ETV1: variants seen among roughly 807,000 people sequenced by gnomAD.
ETV1 encodes ETS variant transcription factor 1.
Under a neutral mutation model 62.3 loss-of-function variants are expected in ETV1, and 27 were observed. The observed-to-expected ratio is 0.43, with a 90% confidence interval of 0.32 to 0.60. The LOEUF (loss-of-function observed/expected upper bound fraction) is 0.60, where lower values mean the gene tolerates loss of function less well. Ranked by LOEUF, ETV1 falls within the 20% of genes least tolerant of loss-of-function variation. The probability of loss-of-function intolerance (pLI) is 0.06; values close to 1 mark genes in which losing one functional copy is unlikely to be tolerated. For missense variants in ETV1, 605 were observed against 605.8 expected (o/e 1.00, Z 0.01); for synonymous variants, 222 against 199.6 (o/e 1.11, Z -0.94).
chr7:13,906,928 T>C (rs1168446375), intron 11 of ETV1, among the ~76,000 whole-genome samples: 1 of 152,108 alleles, frequency 6.6e-6, no homozygotes, highest in Non-Finnish European at 1.5e-5. Flanking sequence ...CCATCGTATC[T>C]AATCAGACTT....
intron 6 of ETV1, chr7:13,958,799 A>T (rs1229930264): frequency 2.0e-5 from 3 of 152,208 alleles, no homozygotes; most frequent in African/African-American, 4.8e-5. Flanking sequence ...CTAAATAAGG[A>T]TGTTATGAAG....
chr7:13,903,817 C>T (rs1782688834), intron 12 of ETV1, among the ~76,000 whole-genome samples: 1 of 149,922 alleles, frequency 6.7e-6, no homozygotes, highest in Non-Finnish European at 1.5e-5. Flanking sequence ...GGAGACATGA[C>T]TAATTCAAAA....
intron 5 of ETV1, among the ~76,000 whole-genome samples, chr7:13,982,387 A>G (rs1782078476): frequency 6.6e-6 from 1 of 152,056 alleles, no homozygotes; most frequent in Non-Finnish European, 1.5e-5. Flanking sequence ...ATTTATTAGG[A>G]TCCTCTGGAA....
intron 6 of ETV1, among the ~76,000 whole-genome samples, chr7:13,951,824 A>G (rs960199393): frequency 2.0e-5 from 3 of 152,194 alleles, no homozygotes; most frequent in Non-Finnish European, 2.9e-5. Context: ...ATGACGTAAC[A>G]CATAATGAGA....
At chr7:13,975,895 T>C (rs1400412701) in intron 6 of ETV1, among the ~76,000 whole-genome samples, 2 of 152,160 alleles carry the variant, frequency 1.3e-5, no homozygotes, top group South Asian at 2.1e-4. Context: ...GGATGTAAAA[T>C]ATCAACGAGA....
rs1251746278 is a variant in ETV1 at position 13,892,244 on chromosome 7, A to T, written c.*3622T>A. 8.6e-6 allele frequency: 2 copies of T among 232,468 alleles called. No individual in the cohort carries two copies. The highest frequency in any genetic ancestry group is 4.4e-5 in the African/African-American group (2 of 45,302). The allele number at this position is 232,468 out of a possible 1,614,324, so 14.4% of individuals were successfully genotyped here. A position where few individuals can be genotyped will look rare whatever the true frequency, so the allele number is the denominator to read the frequency against. On this transcript the variant is annotated 3_prime_UTR_variant, in exon 14 of 14. Coordinates refer to ENST00000430479, the MANE Select transcript of ETV1 (RefSeq NM_004956.5). ...CACTGATTTAACTGTTATTACTATT[A>T]TTATCATACCTTCTGTTTTTCTGTT...
intron 5 of ETV1, chr7:13,986,063 C>T (rs1298071359): frequency 2.2e-6 from 3 of 1,334,972 alleles, no homozygotes; most frequent in Non-Finnish European, 2.1e-6. Context: ...TTAAAATCCT[C>T]ATATCTCCCA....
intron 6 of ETV1, among the ~76,000 whole-genome samples, chr7:13,955,188 C>T (rs1487037219): frequency 6.6e-6 from 1 of 152,028 alleles, no homozygotes; most frequent in South Asian, 2.1e-4. Flanking sequence ...TTTAAAAATC[C>T]CTTCTGATAT....
chr7:13,902,856 C>T (rs768025782), intron 12 of ETV1, among the ~76,000 whole-genome samples: 10 of 152,148 alleles, frequency 6.6e-5, no homozygotes, highest in Non-Finnish European at 1.5e-4. Context: ...TGATACTTAT[C>T]ATGCCAGTTC....
In ETV1 at chr7:13,901,860, T is replaced by C. The variant is rs1311244386; in HGVS notation, c.1111-1021A>G. Among the ~76,000 whole-genome samples, 3 of 152,308 alleles carry C rather than the reference T, an allele frequency of 2.0e-5. No individual in the cohort carries two copies. The East Asian group carries it at 5.8e-4, about 29-fold the overall frequency. On this transcript the variant is annotated intron_variant, in intron 12 of 13. Transcript: ENST00000430479. ...CTAAAGCAGAATGTCTACTCTGTTG[T>C]TTAATAAAAAAACTCAGAGCTTTTT...
intron 6 of ETV1, among the ~76,000 whole-genome samples, chr7:13,962,560 A>G (rs948763985): frequency 3.9e-5 from 6 of 152,168 alleles, no homozygotes; most frequent in Non-Finnish European, 8.8e-5. Flanking sequence ...TTCCTGGCCT[A>G]ATTATGTGTT....
rs1421031225 is a variant in ETV1, at chr7:13,989,410, A to G, written c.-230T>C. ...TACCCCGGGCAGCTCTGATTCGCAAACGTGTGCAAAACTAGCAATGGCGAT... is the reference window on the plus strand; with the variant it reads ...TACCCCGGGCAGCTCTGATTCGCAAGCGTGTGCAAAACTAGCAATGGCGAT... On this transcript the variant is annotated 5_prime_UTR_variant, in exon 2 of 14. Transcript: ENST00000430479. 2.8e-5 allele frequency: 12 copies of G among 435,558 alleles called. No homozygotes were observed. The highest frequency in any genetic ancestry group is 4.4e-5 in the Non-Finnish European group (11 of 248,828). The allele number at this position is 435,558 out of a possible 1,614,324, so 27.0% of individuals were successfully genotyped here. A position where few individuals can be genotyped will look rare whatever the true frequency, so the allele number is the denominator to read the frequency against.
intron 5 of ETV1, chr7:13,985,423 T>A (rs1365726328): frequency 6.6e-6 from 1 of 152,162 alleles, no homozygotes; most frequent in Non-Finnish European, 1.5e-5. Flanking sequence ...CTTTAAAGAT[T>A]GATAAAGATT....
chr7:13,938,555 T>A, intron 7 of ETV1, among the ~76,000 whole-genome samples: 1 of 152,212 alleles, frequency 6.6e-6, no homozygotes, highest in East Asian at 1.9e-4. Flanking sequence ...TTAATGAACA[T>A]ATATGTGATC....
intron 9 of ETV1, among the ~76,000 whole-genome samples, chr7:13,917,011 T>C (rs866040438): frequency 4.6e-5 from 7 of 151,860 alleles, no homozygotes; most frequent in Middle Eastern, 3.4e-3. Context: ...ATCGCAGTTA[T>C]CTGAATTTAC....
intron 6 of ETV1, among the ~76,000 whole-genome samples, chr7:13,940,844 T>C (rs1787421100): frequency 6.6e-6 from 1 of 152,224 alleles, no homozygotes; most frequent in Non-Finnish European, 1.5e-5. Context: ...ATTTGTTTTA[T>C]ATGCATATAA....
At chr7:13,977,325 T>C (rs1159415327) in intron 6 of ETV1, 102 bp downstream of exon 6, 10 of 737,446 alleles carry the variant, frequency 1.4e-5, no homozygotes, top group African/African-American at 1.1e-4. Flanking sequence ...GCTGGTACAA[T>C]GTAAGACAAG....
chr7:13,941,503 C>T (rs1042444899), intron 6 of ETV1, among the ~76,000 whole-genome samples: 9 of 152,196 alleles, frequency 5.9e-5, no homozygotes, highest in Admixed American at 3.9e-4. Context: ...ATTCTCTTAA[C>T]GTTTGTCTAT....
rs1369717034 is a variant in ETV1, at chr7:13,935,353, A to G, written c.554+355T>C. ...AGCTACCTACTAAAATTAGTCTCCT[A>G]ACTTTACAGAACAAGTACACACATA... is the stretch of plus-strand genomic sequence containing the variant. On this transcript the variant is annotated intron_variant, in intron 8 of 13. Coordinates refer to ENST00000430479, the MANE Select transcript of ETV1 (RefSeq NM_004956.5). Among the ~76,000 whole-genome samples, 8 of 152,344 alleles carry G rather than the reference A, an allele frequency of 5.3e-5. No homozygotes were observed. The East Asian group carries it at 1.4e-3, about 26-fold the overall frequency.
Sources: allele counts gnomAD v4.1 joint callset (sites outside exome capture counted in the v4.1 genomes callset), GRCh38; gene constraint gnomAD v4.1.1; transcripts MANE v1.5; gene names NCBI Gene and HGNC (gene_info 2026-07-23, HGNC 2026-07-21).